The following ZBTB1 variants were observed in gnomAD, a reference collection of about 807,000 sequenced individuals.
ZBTB1 encodes zinc finger and BTB domain-containing protein 1.
ZBTB1 carries 13 observed loss-of-function variants against 51.6 expected under a neutral mutation model. The ratio of observed to expected loss-of-function variants is 0.25; its 90% CI spans 0.16 to 0.40. The LOEUF is 0.40. Among genes scored for constraint, ZBTB1 ranks in the 10% least tolerant of loss-of-function variants. The pLI, the probability that ZBTB1 is intolerant of heterozygous loss-of-function variation, is 1.00. For missense variants in ZBTB1, 567 were observed against 856.5 expected, an observed-to-expected ratio of 0.66 and a Z score of 4.22; for synonymous variants, 240 against 282.2, an observed-to-expected ratio of 0.85 and a Z score of 1.50.
intron 1 of ZBTB1, chr14:64,511,520 C>T (rs2079724174): frequency 6.6e-6 from 1 of 151,676 alleles, no homozygotes. Flanking sequence ...GATCGCCTGT[C>T]AGCAAAATTC....
intron 1 of ZBTB1, among the ~76,000 whole-genome samples, chr14:64,505,372 T>G (rs1566628217): frequency 1.3e-5 from 2 of 152,140 alleles, no homozygotes; most frequent in Non-Finnish European, 2.9e-5. Context: ...AGCCCGAGGC[T>G]GCAGACTTGG....
chr14:64,504,153 G>C (rs1289397992), upstream of ZBTB1: 1 of 152,948 alleles, frequency 6.5e-6, no homozygotes, highest in African/African-American at 2.4e-5. Flanking sequence ...CGCGGGGCCA[G>C]GGAGGCCGAG....
At chr14:64,509,920 T>G (rs576960788) in intron 1 of ZBTB1, among the ~76,000 whole-genome samples, 285 of 149,918 alleles carry the variant, frequency 1.9e-3, no homozygotes, top group South Asian at 3.6e-3. Context: ...GAGCTTGCAG[T>G]GAGCCGAGAT....
At chr14:64,504,716 G>A (rs2079609706), upstream of ZBTB1, 1 of 372,888 alleles carries the variant, frequency 2.7e-6, no homozygotes, top group African/African-American at 2.1e-5. Context: ...CGCGTAAGCG[G>A]GGCCGGCTCA....
rs750991482 is a variant in ZBTB1 at position 64,522,537 on chromosome 14, A to G, written c.1033A>G (p.Ile345Val). Reference sequence around the variant, plus strand: ...AGATGAACTGAAAGACTTTAACATTATTAAAGTTACTGATAAAGACTGTAA... The same window carrying G: ...AGATGAACTGAAAGACTTTAACATTGTTAAAGTTACTGATAAAGACTGTAA... ...PTDELKDFNI[I>V]KVTDKDCNES... The change falls in exon 2 of 2, where the codon ATT (isoleucine) becomes GTT (valine). Residue 345 changes from isoleucine (I) to valine (V), a missense_variant. Ile to Val is a conservative substitution (Grantham distance 29, BLOSUM62 3). Around this residue, in one of 5 missense-constraint regions of ZBTB1, gnomAD observed 329 missense variants for 406.3 expected, o/e 0.81. Transcript: ENST00000683701. 6 of 1,613,944 alleles carry G rather than the reference A, an allele frequency of 3.7e-6. No individual in the cohort carries two copies. In the East Asian group the frequency reaches 1.3e-4, roughly 36 times the overall value.
In ZBTB1 at chr14:64,524,846, AAGT is replaced by A. The variant is rs1314652411; in HGVS notation, c.*1208_*1210del. On this transcript the variant is annotated 3_prime_UTR_variant, in exon 2 of 2. Transcript: ENST00000683701. ...AAACAGTTTATCATTTTTTCAGTTA[AAGT>A]AGTAGTATTGTTAGTTGTTGCTGAC... 1.0e-5 allele frequency: 10 copies of A among 984,844 alleles called. No individual in the cohort carries two copies. The highest frequency in any genetic ancestry group is 5.2e-4 in the Middle Eastern group (1 of 1,934). The allele number at this position is 984,844 out of a possible 1,614,324, so 61.0% of individuals were successfully genotyped here.
chr14:64,527,762 A>G (rs575373834), downstream of ZBTB1, among the ~76,000 whole-genome samples: 31 of 152,170 alleles, frequency 2.0e-4, no homozygotes, highest in Non-Finnish European at 1.5e-4. Context: ...ACAGAGCAAG[A>G]CTCCATCTCA....
chr14:64,506,426 A>C (rs2079657562), intron 1 of ZBTB1, among the ~76,000 whole-genome samples: 1 of 152,098 alleles, frequency 6.6e-6, no homozygotes, highest in Admixed American at 6.5e-5. Flanking sequence ...CCAGCTACTC[A>C]GGAGGCTGAG....
downstream of ZBTB1, among the ~76,000 whole-genome samples, chr14:64,525,741 A>G (rs2079899115): frequency 6.6e-6 from 1 of 152,240 alleles, no homozygotes; most frequent in South Asian, 2.1e-4. Flanking sequence ...AAGCAAATAT[A>G]TAAACTTTAC....
Position 64,531,675 on chromosome 14 carries a change from C to T in ZBTB1, c.1899-186C>T, listed in dbSNP as rs139547995. Among the ~76,000 whole-genome samples the T allele has an allele frequency of 2.6e-3, 399 of 152,268 alleles. 1 individual carries two copies. Among genetic ancestry groups the T allele is most frequent in the African/African-American group, 9.3e-3 (387 of 41,562 alleles). On this transcript the variant is annotated intron_variant, in intron 2 of 2. Coordinates refer to the ZBTB1 transcript ENST00000358738. ...TCTTATATTTGAATGGTACGAGTTA[C>T]ATTCGGGAAATAATTAAATTTAAAT...
intron 1 of ZBTB1, among the ~76,000 whole-genome samples, chr14:64,505,609 T>C (rs1367838685): frequency 6.6e-6 from 1 of 152,214 alleles, no homozygotes; most frequent in African/African-American, 2.4e-5. Context: ...CGGGAGTCGT[T>C]ACTACTAAAG....
intron 1 of ZBTB1, among the ~76,000 whole-genome samples, chr14:64,517,733 C>T (rs1459850429): frequency 7.2e-6 from 1 of 138,110 alleles, no homozygotes; most frequent in Non-Finnish European, 1.5e-5. Flanking sequence ...ACATTTTTCC[C>T]ACTTCTGTAG....
At chr14:64,504,522 C>T (rs1426669736), upstream of ZBTB1, 7 of 171,934 alleles carry the variant, frequency 4.1e-5, no homozygotes, top group Non-Finnish European at 7.4e-5. Flanking sequence ...CAAGCCGCCG[C>T]CGCCGCGACG....
intron 1 of ZBTB1, among the ~76,000 whole-genome samples, chr14:64,513,917 C>T (rs2079753178): frequency 6.6e-6 from 1 of 152,200 alleles, no homozygotes; most frequent in Non-Finnish European, 1.5e-5. Context: ...ACCTCAGCCT[C>T]CCAAAGTGCT....
chr14:64,522,701 A>T lies in ZBTB1; in HGVS notation c.1197A>T (p.Arg399Ser). Residue 399 changes from arginine (R) to serine (S), a missense_variant, in exon 2 of 2, where the codon AGA (arginine) becomes AGT (serine). By Grantham distance (110) the Arg-to-Ser change is moderately radical. This residue lies in a region of ZBTB1 where 329 missense variants were observed against 406.3 expected (regional missense o/e 0.81). Transcript: ENST00000683701. ...KPRMSVSADE[R>S]GGLENMRPPN... ...GAATGTCAGTAAGTGCTGATGAAAG[A>T]GGTGGTTTAGAGAATATGAGGCCCC... 24 of 1,614,180 alleles carry T rather than the reference A, an allele frequency of 1.5e-5. No individual in the cohort carries two copies. Among genetic ancestry groups the T allele is most frequent in the Non-Finnish European group, 1.9e-5 (23 of 1,180,024 alleles).
chr14:64,530,523 C>G (rs752752779), intron 2 of ZBTB1, among the ~76,000 whole-genome samples: 7 of 151,858 alleles, frequency 4.6e-5, no homozygotes, highest in Non-Finnish European at 1.0e-4. Flanking sequence ...GGGAGAACCG[C>G]TTGAACCTGG....
At chr14:64,511,912 G>C (rs1240405737) in intron 1 of ZBTB1, among the ~76,000 whole-genome samples, 1 of 152,192 alleles carries the variant, frequency 6.6e-6, no homozygotes, top group South Asian at 2.1e-4. Context: ...GCTGCAGTTA[G>C]AGTAGTATGA....
chr14:64,521,416 CATG>C, intron 1 of ZBTB1, 68 bp from the exon 2 acceptor site: 1 of 1,268,982 alleles, frequency 7.9e-7, no homozygotes, highest in Non-Finnish European at 1.1e-6. Context: ...AGTCACAAAT[CATG>C]ATAAAAGTTA....
At chr14:64,515,635 C>G (rs1337500996) in intron 1 of ZBTB1, among the ~76,000 whole-genome samples, 1 of 151,856 alleles carries the variant, frequency 6.6e-6, no homozygotes, top group Non-Finnish European at 1.5e-5. Context: ...ATTCTCCCGC[C>G]TCAGCCTCCC....
Sources: gnomAD v4.1 joint callset for allele counts (sites outside exome capture counted in the v4.1 genomes callset) on GRCh38, gnomAD v4.1.1 for gene constraint, gnomAD v4.1.1 regional missense constraint, MANE v1.5 for transcripts, NCBI Gene and HGNC (gene_info 2026-07-23, HGNC 2026-07-21) for gene names.